Variants in SPAG16 observed in about 807,000 individuals in gnomAD.
SPAG16 encodes sperm-associated antigen 16 protein.
A neutral mutation model predicts 80.4 loss-of-function variants in SPAG16; 86 were observed. That is an observed-to-expected ratio of 1.07 (90% CI 0.90 to 1.28). The LOEUF (loss-of-function observed/expected upper bound fraction) is 1.28. Among genes scored for constraint, SPAG16 ranks in the 50% most tolerant of loss-of-function variants. The probability of loss-of-function intolerance (pLI) is 0.00; values close to 1 mark genes in which losing one functional copy is unlikely to be tolerated. For synonymous variants in SPAG16, 294 were observed against 265.9 expected, an observed-to-expected ratio of 1.11 and a Z score of -1.03; for missense variants, 870 against 765.3, an observed-to-expected ratio of 1.14 and a Z score of -1.61.
At chr2:213,878,211 G>A (rs1405175312) in intron 11 of SPAG16, among the ~76,000 whole-genome samples, 12 of 151,872 alleles carry the variant, frequency 7.9e-5, no homozygotes, top group Non-Finnish European at 1.2e-4. Flanking sequence ...TGAGATTGCC[G>A]GATTGAATGG....
intron 9 of SPAG16, among the ~76,000 whole-genome samples, chr2:213,386,944 C>T (rs2067460012): frequency 6.6e-6 from 1 of 152,080 alleles, no homozygotes; most frequent in Admixed American, 6.6e-5. Context: ...TTTGCAATCT[C>T]ATAAGTCAAA....
At position 213,479,274 on chromosome 2, in the gene SPAG16, G is replaced by A. The variant is rs149451593; in HGVS notation, c.943-10689G>A. 2.2e-3 allele frequency among the ~76,000 whole-genome samples: 335 copies of A among 151,750 alleles called. 3 individuals carry two copies. The highest frequency in any genetic ancestry group is 7.8e-3 in the African/African-American group (323 of 41,410). On this transcript the variant is annotated intron_variant, in intron 9 of 15. Coordinates refer to ENST00000331683, the MANE Select transcript of SPAG16 (RefSeq NM_024532.5). Reference sequence around the variant, plus strand: ...CTCCATGAGGCCTCGCCAGATTGCCGCATGTATAATTTCATACATCATGCC... The same window carrying A: ...CTCCATGAGGCCTCGCCAGATTGCCACATGTATAATTTCATACATCATGCC...
intron 10 of SPAG16, among the ~76,000 whole-genome samples, chr2:213,758,349 A>G (rs923842866): frequency 6.6e-6 from 1 of 152,066 alleles, no homozygotes; most frequent in African/African-American, 2.4e-5. Flanking sequence ...TGTCCAAAGG[A>G]AAATATGAAA....
chr2:214,379,678 T>A (rs1360864791), intron 15 of SPAG16, among the ~76,000 whole-genome samples: 1 of 152,162 alleles, frequency 6.6e-6, no homozygotes, highest in Non-Finnish European at 1.5e-5. Flanking sequence ...CAAGAGTAGA[T>A]CAAGTTGCTT....
chr2:213,864,731 C>T (rs1322746593), intron 11 of SPAG16, among the ~76,000 whole-genome samples: 2 of 152,076 alleles, frequency 1.3e-5, no homozygotes, highest in African/African-American at 4.8e-5. Context: ...GTCAGGCACT[C>T]TATCTTCTGC....
intron 10 of SPAG16, among the ~76,000 whole-genome samples, chr2:213,622,723 A>T (rs2061830930): frequency 6.6e-6 from 1 of 152,182 alleles, no homozygotes; most frequent in Non-Finnish European, 1.5e-5. Flanking sequence ...TGATTGCATG[A>T]TATAAAATCC....
intron 15 of SPAG16, among the ~76,000 whole-genome samples, chr2:214,186,767 G>GA (rs894913506): frequency 6.8e-6 from 1 of 147,688 alleles, no homozygotes; most frequent in Non-Finnish European, 1.5e-5. Context: ...TTGTTTTTTT[G>GA]TTTTTTTTTT....
At chr2:214,323,140 C>T (rs974655416) in intron 15 of SPAG16, among the ~76,000 whole-genome samples, 1 of 152,038 alleles carries the variant, frequency 6.6e-6, no homozygotes, top group Non-Finnish European at 1.5e-5. Flanking sequence ...GTTGATATTG[C>T]GTATTTAGTA....
chr2:213,668,016 C>G (rs1035377406), intron 10 of SPAG16, among the ~76,000 whole-genome samples: 2 of 151,994 alleles, frequency 1.3e-5, no homozygotes, highest in South Asian at 2.1e-4. Context: ...TCTCGGCTCA[C>G]TGCAACCTCC....
intron 10 of SPAG16, among the ~76,000 whole-genome samples, chr2:213,556,566 C>T (rs1009444584): frequency 6.6e-6 from 1 of 151,970 alleles, no homozygotes; most frequent in Non-Finnish European, 1.5e-5. Context: ...TAAATGTGCA[C>T]CTAACATCAG....
intron 15 of SPAG16, among the ~76,000 whole-genome samples, chr2:214,187,168 G>A (rs1030840211): frequency 6.6e-5 from 10 of 152,150 alleles, no homozygotes; most frequent in African/African-American, 2.4e-4. Flanking sequence ...TGCAAAAATA[G>A]TTATACGTTA....
At chr2:213,285,554 T>A (rs1161905254) in intron 1 of SPAG16, among the ~76,000 whole-genome samples, 1 of 152,236 alleles carries the variant, frequency 6.6e-6, no homozygotes, top group Non-Finnish European at 1.5e-5. Flanking sequence ...CCTCTCCAGG[T>A]TTAATTCAAG....
intron 10 of SPAG16, among the ~76,000 whole-genome samples, chr2:213,701,790 A>T (rs939448549): frequency 6.6e-6 from 1 of 152,120 alleles, no homozygotes; most frequent in Non-Finnish European, 1.5e-5. Context: ...AAACGCACCA[A>T]TCAGCACTCT....
chr2:213,836,396 T>G (rs2074084431), intron 10 of SPAG16, among the ~76,000 whole-genome samples: 1 of 152,070 alleles, frequency 6.6e-6, no homozygotes, highest in Non-Finnish European at 1.5e-5. Context: ...ATTGACAAAT[T>G]TTCAATTAAT....
intron 10 of SPAG16, among the ~76,000 whole-genome samples, chr2:213,645,427 G>C (rs752621703): frequency 5.3e-5 from 8 of 152,132 alleles, no homozygotes; most frequent in Non-Finnish European, 1.2e-4. Flanking sequence ...GGGTATCGCT[G>C]CTGGTTATTC....
intron 15 of SPAG16, among the ~76,000 whole-genome samples, chr2:214,171,469 A>T (rs956154630): frequency 6.6e-6 from 1 of 152,014 alleles, no homozygotes; most frequent in Non-Finnish European, 1.5e-5. Flanking sequence ...TATATATTTT[A>T]TAACATCACA....
intron 13 of SPAG16, among the ~76,000 whole-genome samples, chr2:214,099,656 T>A (rs547140533): frequency 6.6e-6 from 1 of 152,176 alleles, no homozygotes; most frequent in African/African-American, 2.4e-5. Context: ...ACAAACATGA[T>A]TTATGGTAGT....
At chr2:213,856,747 A>C (rs1177986497) in intron 10 of SPAG16, among the ~76,000 whole-genome samples, 2 of 152,222 alleles carry the variant, frequency 1.3e-5, no homozygotes, top group Non-Finnish European at 2.9e-5. Context: ...CAGGGCACCG[A>C]GTCCCAAGAC....
intron 15 of SPAG16, among the ~76,000 whole-genome samples, chr2:214,203,541 A>G (rs2058066619): frequency 6.6e-6 from 1 of 152,158 alleles, no homozygotes; most frequent in Non-Finnish European, 1.5e-5. Flanking sequence ...ACACATCCTC[A>G]CATCCTCACT....
Sources: gnomAD v4.1 joint callset for allele counts (sites outside exome capture counted in the v4.1 genomes callset) on GRCh38, gnomAD v4.1.1 for gene constraint, MANE v1.5 for transcripts, NCBI Gene and HGNC (gene_info 2026-07-23, HGNC 2026-07-21) for gene names.